QKI: variants seen among roughly 807,000 people sequenced by gnomAD.
The protein encoded by QKI is QKI, KH domain containing RNA binding.
QKI carries 10 observed loss-of-function variants against 39.0 expected under a neutral mutation model. That is an observed-to-expected ratio of 0.26 (90% CI 0.16 to 0.43). The LOEUF is 0.43. QKI is among the 20% of genes least tolerant of loss of function. The pLI is 1.00. For missense variants in QKI, 218 were observed against 428.0 expected, an observed-to-expected ratio of 0.51 and a Z score of 4.33; for synonymous variants, 204 against 155.4, an observed-to-expected ratio of 1.31 and a Z score of -2.33.
intron 3 of QKI, among the ~76,000 whole-genome samples, chr6:163,506,671 C>CT (rs1779113454): frequency 6.6e-6 from 1 of 152,140 alleles, no homozygotes; most frequent in African/African-American, 2.4e-5. Context: ...TTACAGAGTT[C>CT]TTTAAGAGTT....
intron 1 of QKI, among the ~76,000 whole-genome samples, chr6:163,432,679 TTTG>T (rs1182299489): frequency 6.6e-6 from 1 of 151,974 alleles, no homozygotes; most frequent in African/African-American, 2.4e-5. Flanking sequence ...TTTAAAATGT[TTTG>T]TTAAGAGTAG....
At chr6:163,472,305 G>A (rs767407556) in intron 2 of QKI, among the ~76,000 whole-genome samples, 13 of 152,170 alleles carry the variant, frequency 8.5e-5, no homozygotes, top group Non-Finnish European at 1.6e-4. Flanking sequence ...AGATCATAAA[G>A]GTCTTCATCC....
Position 163,496,531 on chromosome 6 carries a change from G to A in QKI, c.402+17635G>A, listed in dbSNP as rs139871301. Among the ~76,000 whole-genome samples the A allele has an allele frequency of 8.5e-4, 129 of 151,946 alleles. 2 individuals carry two copies. The East Asian group carries it at 0.021, about 24-fold the overall frequency. ...CTGATTTCCTTATTTCCATTCTTCC[G>A]CCCTTTTCTCTTTTCAGCAACCAGA... On this transcript the variant is annotated intron_variant, in intron 3 of 7. Transcript: ENST00000361752.
chr6:163,458,091 A>G (rs1194426629), intron 2 of QKI, among the ~76,000 whole-genome samples: 1 of 152,168 alleles, frequency 6.6e-6, no homozygotes, highest in African/African-American at 2.4e-5. Context: ...ATGTGAGGTT[A>G]GAGAGTTAGC....
chr6:163,493,682 T>C (rs979696081), intron 3 of QKI, among the ~76,000 whole-genome samples: 18 of 152,174 alleles, frequency 1.2e-4, no homozygotes, highest in Non-Finnish European at 1.9e-4. Flanking sequence ...TGGACCCTTC[T>C]CTAACTTAAA....
chr6:163,437,078 C>T (rs1462198115), intron 1 of QKI, among the ~76,000 whole-genome samples: 2 of 152,100 alleles, frequency 1.3e-5, no homozygotes, highest in Non-Finnish European at 2.9e-5. Context: ...TTTTATTTGG[C>T]TGAAGGAAGC....
rs1212344546 is a variant in QKI, at chr6:163,572,816, T to C, written c.*2106T>C. 1 of 152,138 alleles carries C rather than the reference T, an allele frequency of 6.6e-6. No individual in the cohort carries two copies. The highest frequency in any genetic ancestry group is 2.4e-5 in the African/African-American group (1 of 41,420). 9.4% of individuals were successfully genotyped at this position (152,138 alleles called of 1,614,324 possible). ...TCACTTGGAAACCGTTGTCAGTTTA[T>C]TTACTATGCAATAGACATTCATTGT... On this transcript the variant is annotated 3_prime_UTR_variant, in exon 8 of 8. Coordinates refer to ENST00000361752, the MANE Select transcript of QKI (RefSeq NM_006775.3).
chr6:163,563,157 T>C (rs1404340200), intron 5 of QKI, among the ~76,000 whole-genome samples: 2 of 152,236 alleles, frequency 1.3e-5, no homozygotes, highest in Admixed American at 6.5e-5. Context: ...ATGAACTAAA[T>C]ATAACCTATT....
intron 4 of QKI, among the ~76,000 whole-genome samples, chr6:163,552,691 G>A (rs551758850): frequency 6.6e-5 from 10 of 152,254 alleles, no homozygotes; most frequent in African/African-American, 2.2e-4. Flanking sequence ...GTTTTCTAGA[G>A]AAGGAATCTA....
chr6:163,525,129 C>T (rs1323347196), intron 3 of QKI, among the ~76,000 whole-genome samples: 2 of 152,134 alleles, frequency 1.3e-5, no homozygotes, highest in African/African-American at 2.4e-5. Context: ...GGATTTATAC[C>T]TAAATAAAAT....
chr6:163,487,602 A>C (rs1208825850), intron 3 of QKI, among the ~76,000 whole-genome samples: 1 of 150,444 alleles, frequency 6.6e-6, no homozygotes, highest in African/African-American at 2.5e-5. Flanking sequence ...CCAAACCTCC[A>C]TTTCTCTTTC....
intron 1 of QKI, among the ~76,000 whole-genome samples, chr6:163,430,450 T>G (rs542958349): frequency 6.6e-6 from 1 of 152,292 alleles, no homozygotes; most frequent in South Asian, 2.1e-4. Context: ...TTATTTTTTT[T>G]GTTTTCCTAG....
chr6:163,497,019 A>G (rs1401598309), intron 3 of QKI, among the ~76,000 whole-genome samples: 1 of 152,226 alleles, frequency 6.6e-6, no homozygotes, highest in Non-Finnish European at 1.5e-5. Flanking sequence ...CCTCAGTAAT[A>G]GAATTGTACA....
At chr6:163,428,260 T>C (rs1176985503) in intron 1 of QKI, among the ~76,000 whole-genome samples, 1 of 152,220 alleles carries the variant, frequency 6.6e-6, no homozygotes, top group African/African-American at 2.4e-5. Flanking sequence ...GTAACTAGTT[T>C]AGTACATCAG....
rs1314759974 is a variant in QKI at position 163,575,225 on chromosome 6, C to G, written c.*4515C>G. On this transcript the variant is annotated 3_prime_UTR_variant, in exon 8 of 8. Coordinates refer to ENST00000361752, the MANE Select transcript of QKI (RefSeq NM_006775.3). ...TACAAGTTGTCATGGTACCATGTAACTTAAATTGATGAATTTCTATGCAAT... is the reference window on the plus strand; with the variant it reads ...TACAAGTTGTCATGGTACCATGTAAGTTAAATTGATGAATTTCTATGCAAT... 1.3e-5 allele frequency: 2 copies of G among 152,192 alleles called. No individual in the cohort carries two copies. Among genetic ancestry groups the G allele is most frequent in the African/African-American group, 4.8e-5 (2 of 41,440 alleles). 9.4% of individuals were successfully genotyped at this position (152,192 alleles called of 1,614,324 possible).
intron 2 of QKI, chr6:163,457,438 T>G (rs1195394709): frequency 2.2e-6 from 1 of 455,862 alleles, no homozygotes; most frequent in Non-Finnish European, 4.4e-6. Flanking sequence ...GAGCATGGCA[T>G]TTGTCTTGAT....
intron 3 of QKI, among the ~76,000 whole-genome samples, chr6:163,485,302 G>A (rs1407030524): frequency 6.6e-6 from 1 of 152,156 alleles, no homozygotes; most frequent in Non-Finnish European, 1.5e-5. Context: ...GCCGTATCCA[G>A]GGCTGTGAAA....
chr6:163,457,304 G>A (rs1790992635), intron 2 of QKI: 3 of 455,836 alleles, frequency 6.6e-6, no homozygotes, highest in Non-Finnish European at 1.3e-5. Flanking sequence ...AAAGACATGG[G>A]TTTCATACAG....
chr6:163,424,110 T>C (rs1180691697), intron 1 of QKI, among the ~76,000 whole-genome samples: 1 of 152,182 alleles, frequency 6.6e-6, no homozygotes, highest in Non-Finnish European at 1.5e-5. Context: ...TTCAAACAAA[T>C]TAAATGTAAG....
Sources: allele counts gnomAD v4.1 joint callset (sites outside exome capture counted in the v4.1 genomes callset), GRCh38; gene constraint gnomAD v4.1.1; transcripts MANE v1.5; gene names NCBI Gene and HGNC (gene_info 2026-07-23, HGNC 2026-07-21).